TTC28: variants seen among roughly 807,000 people sequenced by gnomAD.
The protein encoded by TTC28 is tetratricopeptide repeat domain 28.
TTC28 carries 61 observed loss-of-function variants against 198.0 expected under a neutral mutation model. The ratio of observed to expected loss-of-function variants is 0.31; its 90% confidence interval spans 0.25 to 0.38. TTC28 has a LOEUF of 0.38. Ranked by LOEUF, TTC28 falls within the 10% of genes least tolerant of loss-of-function variation. The pLI is 1.00. For synonymous variants in TTC28, 1,171 were observed against 1,297.8 expected (o/e 0.90, Z 2.10); for missense variants, 2,678 against 3,164.0 (o/e 0.85, Z 3.69).
At chr22:28,164,938 T>G (rs1415313871) in intron 5 of TTC28, among the ~76,000 whole-genome samples, 3 of 151,870 alleles carry the variant, frequency 2.0e-5, no homozygotes, top group Admixed American at 1.3e-4. Flanking sequence ...GAAAAAAAAC[T>G]AGACAAATGG....
At position 28,027,023 on chromosome 22, in the gene TTC28, G is replaced by A. The variant is rs118099243; in HGVS notation, c.4073+3203C>T. Reference sequence around the variant, plus strand: ...TCAAAAGCCTGTCCTGTTCTTCTTCGTCTTTTCTACAGCAAATGTGATCTG... The same window carrying A: ...TCAAAAGCCTGTCCTGTTCTTCTTCATCTTTTCTACAGCAAATGTGATCTG... On this transcript the variant is annotated intron_variant, in intron 13 of 22. Coordinates refer to ENST00000397906, the MANE Select transcript of TTC28 (RefSeq NM_001145418.2). Among the ~76,000 whole-genome samples, 412 of 152,222 alleles carry A rather than the reference G, an allele frequency of 2.7e-3. 1 individual carries two copies. Among genetic ancestry groups the A allele is most frequent in the Non-Finnish European group, 2.9e-3 (194 of 68,000 alleles).
intron 14 of TTC28, among the ~76,000 whole-genome samples, chr22:28,009,197 C>T (rs761098269): frequency 6.6e-5 from 10 of 152,182 alleles, no homozygotes; most frequent in East Asian, 1.9e-4. Flanking sequence ...GAAAGAGCCA[C>T]GACAGTGTTT....
In TTC28 at chr22:28,151,969, C is replaced by T. The variant is rs560816364; in HGVS notation, c.1441+11123G>A. Among the ~76,000 whole-genome samples the T allele has an allele frequency of 2.0e-5, 3 of 152,166 alleles. No individual in the cohort carries two copies. The East Asian group carries it at 5.8e-4, about 29-fold the overall frequency. ...TGTCTATGCCTCTCAAGTAGAAGAA[C>T]TAACTGGTCAATAAATGTGTGGGGC... On this transcript the variant is annotated intron_variant, in intron 6 of 22. Transcript: ENST00000397906.
chr22:28,521,971 C>T (rs2048917352), intron 2 of TTC28, among the ~76,000 whole-genome samples: 1 of 152,182 alleles, frequency 6.6e-6, no homozygotes, highest in Non-Finnish European at 1.5e-5. Flanking sequence ...ATCCACCCAA[C>T]ACTCTGCCTA....
chr22:28,351,120 T>C (rs1327773522), intron 2 of TTC28, among the ~76,000 whole-genome samples: 1 of 151,978 alleles, frequency 6.6e-6, no homozygotes, highest in Non-Finnish European at 1.5e-5. Flanking sequence ...GAGCGGAGCT[T>C]GCAGTGAGCC....
At chr22:28,643,494 T>C (rs2051402617) in intron 1 of TTC28, among the ~76,000 whole-genome samples, 1 of 152,238 alleles carries the variant, frequency 6.6e-6, no homozygotes, top group African/African-American at 2.4e-5. Flanking sequence ...ATTAAGTGAA[T>C]ACTTCTCAAA....
intron 12 of TTC28, among the ~76,000 whole-genome samples, chr22:28,038,740 GA>G (rs1286357481): frequency 6.6e-6 from 1 of 152,156 alleles, no homozygotes; most frequent in Non-Finnish European, 1.5e-5. Flanking sequence ...ACAACCTACA[GA>G]ATGGGAGAAA....
In TTC28 at chr22:28,629,577, C is replaced by T. The variant is rs1313388771; in HGVS notation, c.356G>A (p.Arg119Gln). ...CTTTGGCCACTTGGGATTGAGAAGT[C>T]GAGCTTTGATTGCATCATCCAGTGC... is the stretch of plus-strand genomic sequence containing the variant. Reference protein sequence around the residue: ...DKALDDAIKARLLNPKWPKAY... With the variant: ...DKALDDAIKAQLLNPKWPKAY... The change falls in exon 2 of 23, where the codon CGA becomes CAA. Residue 119 changes from arginine to glutamine, a missense_variant. Around this residue, in one of 8 missense-constraint regions of TTC28, gnomAD observed 176 missense variants for 197.9 expected, o/e 0.89. Transcript: ENST00000397906. The T allele has an allele frequency of 9.0e-6, 14 of 1,550,970 alleles. No homozygotes were observed. Among genetic ancestry groups the T allele is most frequent in the Admixed American group, 2.0e-5 (1 of 50,904 alleles).
chr22:28,045,540 A>G (rs1939827535), intron 12 of TTC28, among the ~76,000 whole-genome samples: 1 of 152,232 alleles, frequency 6.6e-6, no homozygotes, highest in Non-Finnish European at 1.5e-5. Context: ...TATAGCACCT[A>G]TCACATAGAA....
chr22:28,186,107 C>T (rs995192983), intron 5 of TTC28, among the ~76,000 whole-genome samples: 5 of 152,114 alleles, frequency 3.3e-5, no homozygotes, highest in African/African-American at 1.2e-4. Context: ...AATCCTATCA[C>T]AAAATGGATA....
intron 2 of TTC28, among the ~76,000 whole-genome samples, chr22:28,330,855 C>A (rs879910913): frequency 1.3e-5 from 2 of 152,120 alleles, no homozygotes; most frequent in Non-Finnish European, 2.9e-5. Flanking sequence ...AACATAAGAA[C>A]AAGTGCATGT....
intron 1 of TTC28, among the ~76,000 whole-genome samples, chr22:28,662,282 C>T (rs756875571): frequency 4.3e-4 from 65 of 152,086 alleles, no homozygotes; most frequent in Non-Finnish European, 8.2e-4. Flanking sequence ...ACAAGTCTAG[C>T]GTTTAGTAGC....
At chr22:28,059,233 T>G (rs914888582) in intron 12 of TTC28, among the ~76,000 whole-genome samples, 1 of 152,018 alleles carries the variant, frequency 6.6e-6, no homozygotes, top group Non-Finnish European at 1.5e-5. Context: ...ACTATGAACA[T>G]TTAAAACTAT....
chr22:28,490,794 C>A (rs2048366737), intron 2 of TTC28, among the ~76,000 whole-genome samples: 1 of 152,110 alleles, frequency 6.6e-6, no homozygotes. Flanking sequence ...GTCTTCTAAG[C>A]AATTTACCCC....
chr22:28,596,272 A>C (rs532418369), intron 2 of TTC28, among the ~76,000 whole-genome samples: 1 of 151,804 alleles, frequency 6.6e-6, no homozygotes. Flanking sequence ...GAATGGGGGG[A>C]AAAAAAGACT....
chr22:28,387,622 T>C (rs1337893922), intron 2 of TTC28, among the ~76,000 whole-genome samples: 1 of 152,232 alleles, frequency 6.6e-6, no homozygotes, highest in Non-Finnish European at 1.5e-5. Flanking sequence ...TCATGTGTTT[T>C]TTGGCTGCAT....
At chr22:28,610,674 A>G (rs1467811316) in intron 2 of TTC28, among the ~76,000 whole-genome samples, 3 of 152,188 alleles carry the variant, frequency 2.0e-5, no homozygotes, top group Non-Finnish European at 2.9e-5. Context: ...CCTCCAAAGG[A>G]TCACAACTCC....
intron 2 of TTC28, among the ~76,000 whole-genome samples, chr22:28,553,222 T>C (rs1185578602): frequency 1.3e-5 from 2 of 149,786 alleles, no homozygotes; most frequent in African/African-American, 4.9e-5. Flanking sequence ...GTCTGGGAAG[T>C]GAGGAGCGTC....
At chr22:28,537,183 C>T (rs1000968595) in intron 2 of TTC28, among the ~76,000 whole-genome samples, 14 of 150,814 alleles carry the variant, frequency 9.3e-5, no homozygotes, top group African/African-American at 2.7e-4. Flanking sequence ...GTCCCAGCTA[C>T]TCGGGAGGCC....
Sources: allele counts gnomAD v4.1 joint callset (sites outside exome capture counted in the v4.1 genomes callset), GRCh38; gene constraint gnomAD v4.1.1; regional missense constraint gnomAD v4.1.1; transcripts MANE v1.5; gene names NCBI Gene and HGNC (gene_info 2026-07-23, HGNC 2026-07-21).